Variants in ATL1 observed in about 807,000 individuals in gnomAD.
ATL1 encodes the protein atlastin GTPase 1.
ATL1 carries 31 observed loss-of-function variants against 75.5 expected under a neutral mutation model. That is an observed-to-expected ratio of 0.41 (90% CI 0.31 to 0.55). The LOEUF (loss-of-function observed/expected upper bound fraction) is 0.55, where lower values mean the gene tolerates loss of function less well. Among genes scored for constraint, ATL1 ranks in the 20% least tolerant of loss-of-function variants. The pLI is 0.27. For synonymous variants in ATL1, 226 were observed against 233.3 expected (o/e 0.97, Z 0.28); for missense variants, 405 against 662.6 (o/e 0.61, Z 4.27).
At chr14:50,548,340 C>A (rs1463916735) in intron 1 of ATL1, among the ~76,000 whole-genome samples, 1 of 152,132 alleles carries the variant, frequency 6.6e-6, no homozygotes, top group East Asian at 1.9e-4. Flanking sequence ...ACACATAGAG[C>A]AAGAGCCATT....
At chr14:50,590,612 T>G (rs1318667658) in intron 2 of ATL1, among the ~76,000 whole-genome samples, 2 of 152,232 alleles carry the variant, frequency 1.3e-5, no homozygotes, top group Non-Finnish European at 2.9e-5. Context: ...CTACCATTTA[T>G]GCATTATATA....
At chr14:50,549,813 T>G (rs1304576626) in intron 1 of ATL1, among the ~76,000 whole-genome samples, 1 of 152,198 alleles carries the variant, frequency 6.6e-6, no homozygotes, top group Non-Finnish European at 1.5e-5. Flanking sequence ...TGTCCCAGAA[T>G]GGCTAAGTTC....
intron 1 of ATL1, among the ~76,000 whole-genome samples, chr14:50,570,468 T>C (rs2038944655): frequency 6.6e-6 from 1 of 152,166 alleles, no homozygotes; most frequent in Non-Finnish European, 1.5e-5. Context: ...CTCAAAATCC[T>C]GGCCACAAGT....
At chr14:50,631,587 TC>T (rs1241652670) in intron 13 of ATL1, among the ~76,000 whole-genome samples, 3 of 152,154 alleles carry the variant, frequency 2.0e-5, no homozygotes, top group Non-Finnish European at 2.9e-5. Context: ...TTCCTATGAT[TC>T]AAACATCATT....
rs537173230 is a variant in ATL1 at position 50,621,567 on chromosome 14, G to A, written c.991-276G>A. 5.3e-5 allele frequency among the ~76,000 whole-genome samples: 8 copies of A among 152,250 alleles called. No homozygotes were observed. In the South Asian group the frequency reaches 6.2e-4, roughly 12 times the overall value. On this transcript the variant is annotated intron_variant, in intron 9 of 13. Coordinates refer to ENST00000358385, the MANE Select transcript of ATL1 (RefSeq NM_015915.5). ...GGTAACTGAAAAGGGCGTTACTCCCGGCAGAGGGGTCTAAGAACATTTTAA... is the reference window on the plus strand; with the variant it reads ...GGTAACTGAAAAGGGCGTTACTCCCAGCAGAGGGGTCTAAGAACATTTTAA...
chr14:50,623,025 TGTA>T (rs1403389718), intron 10 of ATL1, 149 bp from the exon 11 acceptor site: 10 of 667,954 alleles, frequency 1.5e-5, no homozygotes, highest in East Asian at 8.5e-5. Flanking sequence ...CTTTTTAAAA[TGTA>T]GTAGAAATAT....
intron 1 of ATL1, among the ~76,000 whole-genome samples, chr14:50,554,129 A>G (rs1036439428): frequency 6.6e-6 from 1 of 152,058 alleles, no homozygotes; most frequent in Admixed American, 6.6e-5. Flanking sequence ...TTTAATCCAC[A>G]AAAACCAATA....
intron 11 of ATL1, among the ~76,000 whole-genome samples, chr14:50,626,439 G>A (rs2039521195): frequency 1.3e-5 from 2 of 152,308 alleles, no homozygotes; most frequent in East Asian, 1.9e-4. Context: ...AAGTGCATGT[G>A]TGGTGCAAAC....
rs150830609 is a variant in ATL1 at position 50,617,770 on chromosome 14, G to A, written c.863-2829G>A. 6.4e-4 allele frequency among the ~76,000 whole-genome samples: 97 copies of A among 152,266 alleles called. 1 individual carries two copies. Among genetic ancestry groups the A allele is most frequent in the African/African-American group, 2.2e-3 (93 of 41,570 alleles). The stretch of plus-strand genomic sequence containing the variant: ...TATATATTAATTGACCACTTGCAAG[G>A]CCAAAGCTTATTAATGCCCCTCGGC... On this transcript the variant is annotated intron_variant, in intron 8 of 13. Coordinates refer to ENST00000358385, the MANE Select transcript of ATL1 (RefSeq NM_015915.5).
intron 6 of ATL1, among the ~76,000 whole-genome samples, chr14:50,600,303 A>G (rs958235184): frequency 6.6e-6 from 1 of 152,028 alleles, no homozygotes; most frequent in Non-Finnish European, 1.5e-5. Flanking sequence ...AAAAACTTTA[A>G]GAGATTACCC....
intron 1 of ATL1, chr14:50,542,415 C>T (rs2038576834): frequency 6.6e-6 from 1 of 152,020 alleles, no homozygotes; most frequent in African/African-American, 2.4e-5. Flanking sequence ...ACCTGTGTAA[C>T]AAACCTGCAC....
chr14:50,560,579 G>A, intron 1 of ATL1: 1 of 501,096 alleles, frequency 2.0e-6, no homozygotes, highest in Non-Finnish European at 3.6e-6. Context: ...CCAGCATTTG[G>A]ACAGCACCCA....
chr14:50,543,086 A>G (rs536976764), intron 1 of ATL1, among the ~76,000 whole-genome samples: 1 of 152,368 alleles, frequency 6.6e-6, no homozygotes, highest in South Asian at 2.1e-4. Flanking sequence ...ATAGTTATAC[A>G]AGAAGATCTG....
chr14:50,617,605 T>C (rs948244382), intron 8 of ATL1, among the ~76,000 whole-genome samples: 3 of 152,244 alleles, frequency 2.0e-5, no homozygotes, highest in Admixed American at 6.5e-5. Flanking sequence ...GGAGTTCTTA[T>C]AAAGCATACA....
At chr14:50,579,400 G>A (rs1049137195) in intron 1 of ATL1, among the ~76,000 whole-genome samples, 1 of 152,122 alleles carries the variant, frequency 6.6e-6, no homozygotes, top group East Asian at 1.9e-4. Flanking sequence ...TTATCTATTG[G>A]TGTCTGTTAG....
chr14:50,606,006 T>C lies in ATL1; in HGVS notation c.631-7253T>C, dbSNP rs370969386. Among the ~76,000 whole-genome samples the C allele has an allele frequency of 7.2e-5, 11 of 152,098 alleles. No homozygotes were observed. The East Asian group carries it at 7.7e-4, about 11-fold the overall frequency. On this transcript the variant is annotated intron_variant, in intron 6 of 13. Transcript: ENST00000358385. ...CCTGTGAAAATTTCCGAGGAAAAAG[T>C]AGCTTGTTTAGAAGGTCAGGGGAAG...
chr14:50,537,178 C>A (rs1248012616), intron 1 of ATL1, among the ~76,000 whole-genome samples: 2 of 152,334 alleles, frequency 1.3e-5, no homozygotes, highest in East Asian at 3.9e-4. Context: ...TGCTTTCCAG[C>A]TGCTCCAGCT....
At chr14:50,554,698 G>T (rs2038744055) in intron 1 of ATL1, among the ~76,000 whole-genome samples, 1 of 152,198 alleles carries the variant, frequency 6.6e-6, no homozygotes, top group Admixed American at 6.5e-5. Context: ...AGAAGTTACA[G>T]AAAATTTGTT....
At chr14:50,556,559 G>T (rs2038767870), upstream of ATL1, among the ~76,000 whole-genome samples, 1 of 152,120 alleles carries the variant, frequency 6.6e-6, no homozygotes, top group Non-Finnish European at 1.5e-5. Context: ...GTGCAAAGTT[G>T]ATTTCATGAT....
Sources: allele counts gnomAD v4.1 joint callset (sites outside exome capture counted in the v4.1 genomes callset), GRCh38; gene constraint gnomAD v4.1.1; transcripts MANE v1.5; gene names NCBI Gene and HGNC (gene_info 2026-07-23, HGNC 2026-07-21).